Variants in RGS17 observed in about 807,000 individuals in gnomAD.
The protein encoded by RGS17 is regulator of G-protein signaling 17.
In RGS17, 12 loss-of-function variants were observed where a neutral mutation model predicts 25.5. The observed-to-expected ratio is 0.47, with a 90% CI of 0.30 to 0.76. RGS17 has a LOEUF of 0.76. Ranked by LOEUF, RGS17 falls within the 30% of genes least tolerant of loss-of-function variation. RGS17 has a pLI of 0.07. For synonymous variants in RGS17, 71 were observed against 76.9 expected, an observed-to-expected ratio of 0.92 and a Z score of 0.40; for missense variants, 196 against 242.2, an observed-to-expected ratio of 0.81 and a Z score of 1.27.
In RGS17 at chr6:153,015,564, T is replaced by C. The variant is rs192537976; in HGVS notation, c.445-3802A>G. ...GTTAGCGGTTTTTATCAATAAGGTA[T>C]TTTAAAATTAAGGTATCCACATTTT... On this transcript the variant is annotated intron_variant, in intron 4 of 4. Coordinates refer to ENST00000206262, the MANE Select transcript of RGS17 (RefSeq NM_012419.5). Among the ~76,000 whole-genome samples, 414 of 152,330 alleles carry C rather than the reference T, an allele frequency of 2.7e-3. 4 individuals are homozygous for C. The highest frequency in any genetic ancestry group is 9.3e-3 in the African/African-American group (388 of 41,570).
intron 1 of RGS17, among the ~76,000 whole-genome samples, chr6:153,108,536 AT>A (rs148147855): frequency 0.028 from 4,328 of 152,038 alleles, 86 homozygotes; most frequent in Non-Finnish European, 0.045. Context: ...AGAACTTCAG[AT>A]GCTATGAGCC....
chr6:153,007,777 G>A lies in RGS17; in HGVS notation c.*3797C>T, dbSNP rs1162158061. 3 of 152,100 alleles carry A rather than the reference G, an allele frequency of 2.0e-5. No individual in the cohort carries two copies. The highest frequency in any genetic ancestry group is 4.8e-5 in the African/African-American group (2 of 41,414). The allele number at this position is 152,100 out of a possible 1,614,324, so 9.4% of individuals were successfully genotyped here. ...CGGCTAATTTTGTATTTTTACTAGAGTCGGGGTTTCACCATGTTGGCCAGT... is the reference window on the plus strand; with the variant it reads ...CGGCTAATTTTGTATTTTTACTAGAATCGGGGTTTCACCATGTTGGCCAGT... On this transcript the variant is annotated 3_prime_UTR_variant, in exon 5 of 5. Transcript: ENST00000206262.
rs755624779 is a variant in RGS17 at position 153,023,359 on chromosome 6, C to G, written c.444+903G>C. ...GAGAAACAAAAAAGACAAAAAGAGG[C>G]TGGGATGGAAAAGAGAAGACATTCT... On this transcript the variant is annotated intron_variant, in intron 4 of 4. Transcript: ENST00000206262. 1.9e-4 allele frequency: 96 copies of G among 508,878 alleles called. 4 individuals are homozygous for G. The highest frequency in any genetic ancestry group is 1.4e-3 in the South Asian group (96 of 69,956). 31.5% of individuals were successfully genotyped at this position (508,878 alleles called of 1,614,324 possible). A position where few individuals can be genotyped will look rare whatever the true frequency, so the allele number is the denominator to read the frequency against.
At chr6:153,080,670 A>G (rs1776962749) in intron 1 of RGS17, among the ~76,000 whole-genome samples, 1 of 151,976 alleles carries the variant, frequency 6.6e-6, no homozygotes, top group East Asian at 1.9e-4. Context: ...ATTTTAGCTT[A>G]TTTTTTTGAA....
At chr6:153,044,192 C>T (rs542578085) in intron 1 of RGS17, 149 bp from the exon 2 acceptor site, 21 of 573,632 alleles carry the variant, frequency 3.7e-5, no homozygotes, top group Admixed American at 2.3e-4. Flanking sequence ...ACTAAAAATT[C>T]TCAGGAAAAC....
At chr6:153,015,060 A>G (rs1162388307) in intron 4 of RGS17, among the ~76,000 whole-genome samples, 1 of 152,214 alleles carries the variant, frequency 6.6e-6, no homozygotes, top group Admixed American at 6.5e-5. Flanking sequence ...TGGAAATGGT[A>G]ATAGAACTAG....
Position 153,044,057 on chromosome 6 carries a change from AAC to A in RGS17, c.-25-16_-25-15del, listed in dbSNP as rs1776356953. 1 of 1,328,762 alleles carries A rather than the reference AAC, an allele frequency of 7.5e-7. No homozygotes were observed. Among genetic ancestry groups the A allele is most frequent in the Admixed American group, 1.7e-5 (1 of 58,064 alleles). 82.3% of individuals were successfully genotyped at this position (1,328,762 alleles called of 1,614,324 possible). A position where few individuals can be genotyped will look rare whatever the true frequency, so the allele number is the denominator to read the frequency against. On this transcript the variant is annotated splice_polypyrimidine_tract_variant and intron_variant, in intron 1 of 4. Coordinates refer to ENST00000206262, the MANE Select transcript of RGS17 (RefSeq NM_012419.5). ...GGACCCAGTTGGCTGAAAGAGATAA[AAC>A]AAAAAATTGGGTATGAAAAAAGCAA...
intron 2 of RGS17, among the ~76,000 whole-genome samples, chr6:153,043,487 T>TAAAAAA (rs766892546): frequency 1.5e-5 from 2 of 135,492 alleles, no homozygotes. Flanking sequence ...AGCAGAGAAC[T>TAAAAAA]AAAAAAAAAA....
intron 1 of RGS17, among the ~76,000 whole-genome samples, chr6:153,070,815 A>G (rs1296148108): frequency 6.6e-6 from 1 of 150,974 alleles, no homozygotes; most frequent in African/African-American, 2.4e-5. Flanking sequence ...ATACACATAT[A>G]CATATACATA....
At position 153,009,405 on chromosome 6, in the gene RGS17, A is replaced by G. The variant is rs959635626; in HGVS notation, c.*2169T>C. 7 of 152,040 alleles carry G rather than the reference A, an allele frequency of 4.6e-5. No individual in the cohort carries two copies. Among genetic ancestry groups the G allele is most frequent in the Non-Finnish European group, 2.9e-5 (2 of 67,900 alleles). The allele number at this position is 152,040 out of a possible 1,614,324, so 9.4% of individuals were successfully genotyped here. A position where few individuals can be genotyped will look rare whatever the true frequency, so the allele number is the denominator to read the frequency against. On this transcript the variant is annotated 3_prime_UTR_variant, in exon 5 of 5. Coordinates refer to ENST00000206262, the MANE Select transcript of RGS17 (RefSeq NM_012419.5). ...ATATCATAGTAGCATAATAAACTCA[A>G]TTCTAAGCAAGAAAAAAATTAAATA...
intron 1 of RGS17, among the ~76,000 whole-genome samples, chr6:153,054,070 A>G (rs1776514377): frequency 4.1e-5 from 2 of 49,280 alleles, no homozygotes; most frequent in African/African-American, 8.7e-5. Flanking sequence ...ATATATACAT[A>G]TATATATACA....
At chr6:153,108,138 C>T (rs1777412288) in intron 1 of RGS17, among the ~76,000 whole-genome samples, 2 of 152,210 alleles carry the variant, frequency 1.3e-5, no homozygotes, top group African/African-American at 4.8e-5. Flanking sequence ...GAGGCTGCTT[C>T]TGCTCTTCAT....
intron 1 of RGS17, among the ~76,000 whole-genome samples, chr6:153,096,337 C>T (rs757250532): frequency 7.2e-5 from 11 of 152,228 alleles, no homozygotes; most frequent in Non-Finnish European, 1.0e-4. Flanking sequence ...TATTTAGCCT[C>T]TCTGGGCTGT....
intron 1 of RGS17, among the ~76,000 whole-genome samples, chr6:153,092,763 T>G (rs1296173202): frequency 6.6e-6 from 1 of 152,238 alleles, no homozygotes; most frequent in African/African-American, 2.4e-5. Context: ...GTCTGATGAC[T>G]CATATAACTT....
intron 1 of RGS17, among the ~76,000 whole-genome samples, chr6:153,114,067 A>T (rs889127317): frequency 8.5e-5 from 13 of 152,194 alleles, no homozygotes; most frequent in Non-Finnish European, 1.9e-4. Context: ...AAAAGATAAG[A>T]AAGAATTAAG....
rs1562321436 is a variant in RGS17 at position 153,054,008 on chromosome 6, ACGT to A, written c.-25-9968_-25-9966del. 2.1e-4 allele frequency among the ~76,000 whole-genome samples: 11 copies of A among 53,354 alleles called. 1 individual carries two copies. The highest frequency in any genetic ancestry group is 3.8e-5 in the Non-Finnish European group (1 of 26,248). The allele number at this position is 53,354 out of a possible 152,430, so 35.0% of individuals were successfully genotyped here. ...ATGTATATAATATATATACATATATACGTATATATGTATATAATATATATACAT... is the reference window on the plus strand; with the variant it reads ...ATGTATATAATATATATACATATATAATATATGTATATAATATATATACAT... On this transcript the variant is annotated intron_variant, in intron 1 of 4. Coordinates refer to ENST00000206262, the MANE Select transcript of RGS17 (RefSeq NM_012419.5).
chr6:153,038,232 G>A (rs574547238), intron 2 of RGS17, among the ~76,000 whole-genome samples: 84 of 152,200 alleles, frequency 5.5e-4, no homozygotes, highest in South Asian at 3.7e-3. Context: ...TCTTCCTCCT[G>A]GCTTCTTGGG....
intron 1 of RGS17, among the ~76,000 whole-genome samples, chr6:153,112,554 A>G (rs1777487703): frequency 1.3e-5 from 2 of 152,306 alleles, no homozygotes; most frequent in African/African-American, 4.8e-5. Context: ...CAACATTCCA[A>G]TTCAGGAAAT....
intron 1 of RGS17, among the ~76,000 whole-genome samples, chr6:153,129,555 A>C (rs1216580181): frequency 6.6e-6 from 1 of 152,202 alleles, no homozygotes; most frequent in Non-Finnish European, 1.5e-5. Flanking sequence ...TCTTCAATTA[A>C]ATGATTTTCA....
Sources: gnomAD v4.1 joint callset for allele counts (sites outside exome capture counted in the v4.1 genomes callset) on GRCh38, gnomAD v4.1.1 for gene constraint, MANE v1.5 for transcripts, NCBI Gene and HGNC (gene_info 2026-07-23, HGNC 2026-07-21) for gene names.